CCDC171: variants seen among roughly 807,000 people sequenced by gnomAD.
The protein encoded by CCDC171 is coiled-coil domain containing 171.
Under a neutral mutation model 168.2 loss-of-function variants are expected in CCDC171, and 177 were observed. The ratio of observed to expected loss-of-function variants is 1.05; its 90% confidence interval spans 0.93 to 1.19. The LOEUF (loss-of-function observed/expected upper bound fraction) is 1.19. CCDC171 is among the 50% of genes most tolerant of loss of function. The pLI is 0.00. For synonymous variants in CCDC171, 687 were observed against 540.8 expected (o/e 1.27, Z -3.75); for missense variants, 1,991 against 1,539.0 (o/e 1.29, Z -4.91).
chr9:15,617,846 A>G (rs1453674812), intron 6 of CCDC171, among the ~76,000 whole-genome samples: 1 of 152,164 alleles, frequency 6.6e-6, no homozygotes, highest in Admixed American at 6.5e-5. Flanking sequence ...GCTGGAGAAC[A>G]GCAAAGATTG....
chr9:16,057,208 A>G (rs1008942007), intron 1 of CCDC171, among the ~76,000 whole-genome samples: 1 of 152,230 alleles, frequency 6.6e-6, no homozygotes, highest in Non-Finnish European at 1.5e-5. Context: ...AAGCTTATTA[A>G]CCCCATTTTA....
At chr9:15,609,102 A>AT (rs200680610) in intron 6 of CCDC171, among the ~76,000 whole-genome samples, 105 of 143,348 alleles carry the variant, frequency 7.3e-4, no homozygotes, top group Middle Eastern at 3.6e-3. Context: ...ACAGTTTAAA[A>AT]TTTTTTTTTT....
intron 1 of CCDC171, among the ~76,000 whole-genome samples, chr9:16,060,337 G>A (rs1451406650): frequency 6.6e-6 from 1 of 152,184 alleles, no homozygotes; most frequent in African/African-American, 2.4e-5. Flanking sequence ...GAGGGTCTTT[G>A]CGTGGCGCCT....
intron 18 of CCDC171, among the ~76,000 whole-genome samples, chr9:15,759,363 G>T (rs2056321039): frequency 6.6e-6 from 1 of 152,074 alleles, no homozygotes; most frequent in Non-Finnish European, 1.5e-5. Flanking sequence ...ATTTTAGTGT[G>T]TATTTCACAG....
chr9:15,834,130 C>G (rs1381910385), intron 21 of CCDC171, among the ~76,000 whole-genome samples: 1 of 152,042 alleles, frequency 6.6e-6, no homozygotes, highest in Non-Finnish European at 1.5e-5. Context: ...AATTTGTTCA[C>G]TTTTTGATCA....
At chr9:15,572,779 A>T (rs1287277657) in intron 3 of CCDC171, among the ~76,000 whole-genome samples, 1 of 152,142 alleles carries the variant, frequency 6.6e-6, no homozygotes, top group Non-Finnish European at 1.5e-5. Flanking sequence ...ACCCCCTGAG[A>T]GCTGAAAACA....
At chr9:15,983,480 T>TTGTGTGTG (rs56910418) in intron 3 of CCDC171, among the ~76,000 whole-genome samples, 5 of 144,002 alleles carry the variant, frequency 3.5e-5, no homozygotes, top group African/African-American at 1.3e-4. Context: ...TTGTGATCAG[T>TTGTGTGTG]TGTGTGTGTG....
At chr9:15,771,993 C>T (rs1206415536) in intron 18 of CCDC171, among the ~76,000 whole-genome samples, 1 of 152,056 alleles carries the variant, frequency 6.6e-6, no homozygotes, top group Non-Finnish European at 1.5e-5. Flanking sequence ...CCACCACATT[C>T]AGCTAATTTT....
At chr9:16,071,495 G>T in the CCDC171 span, among the ~76,000 whole-genome samples, 1 of 151,584 alleles carries the variant, frequency 6.6e-6, no homozygotes, top group Non-Finnish European at 1.5e-5. Context: ...TGTGAGAATG[G>T]CCCCACTCCC....
At chr9:15,868,521 A>G (rs1032689962) in intron 23 of CCDC171, among the ~76,000 whole-genome samples, 1 of 136,748 alleles carries the variant, frequency 7.3e-6, no homozygotes, top group Non-Finnish European at 1.6e-5. Flanking sequence ...GAGAGAGGAT[A>G]TGAATGAATG....
At chr9:16,055,677 T>C (rs1833828461) in intron 1 of CCDC171, among the ~76,000 whole-genome samples, 1 of 152,360 alleles carries the variant, frequency 6.6e-6, no homozygotes, top group East Asian at 1.9e-4. Context: ...TTGCAGCATG[T>C]TGGCCTTACC....
At chr9:15,905,370 A>T (rs1483367047) in intron 24 of CCDC171, among the ~76,000 whole-genome samples, 1 of 152,138 alleles carries the variant, frequency 6.6e-6, no homozygotes, top group Non-Finnish European at 1.5e-5. Flanking sequence ...TCAGAAGCTC[A>T]CTCACAACCG....
chr9:15,921,884 T>C (rs554295549), intron 25 of CCDC171, among the ~76,000 whole-genome samples: 5 of 151,694 alleles, frequency 3.3e-5, no homozygotes, highest in Non-Finnish European at 5.9e-5. Context: ...GTATCAGCTT[T>C]GTTGGGTCAT....
intron 8 of CCDC171, among the ~76,000 whole-genome samples, chr9:15,658,540 T>C (rs1286732924): frequency 6.6e-6 from 1 of 152,168 alleles, no homozygotes; most frequent in Non-Finnish European, 1.5e-5. Context: ...AAATGGGACT[T>C]TGCAGATGTG....
At chr9:15,712,150 C>G (rs751149538) in intron 11 of CCDC171, among the ~76,000 whole-genome samples, 5 of 152,208 alleles carry the variant, frequency 3.3e-5, no homozygotes, top group African/African-American at 1.2e-4. Context: ...TTATTCTCTT[C>G]AGACCTTCAA....
intron 11 of CCDC171, among the ~76,000 whole-genome samples, chr9:15,709,313 T>C (rs1454984000): frequency 3.3e-5 from 5 of 152,188 alleles, no homozygotes; most frequent in Non-Finnish European, 7.4e-5. Flanking sequence ...TGAGTAGCTA[T>C]GACAGAATTG....
the CCDC171 span, among the ~76,000 whole-genome samples, chr9:16,094,837 C>A: frequency 1.3e-5 from 2 of 152,108 alleles, no homozygotes; most frequent in African/African-American, 4.8e-5. Flanking sequence ...GGACACAGAT[C>A]CAAATCATCA....
chr9:15,766,862 A>T (rs989780776), intron 18 of CCDC171, among the ~76,000 whole-genome samples: 8 of 152,032 alleles, frequency 5.3e-5, no homozygotes, highest in Non-Finnish European at 8.8e-5. Context: ...GAGTCTTACT[A>T]TGTTGTCCAG....
intron 21 of CCDC171, among the ~76,000 whole-genome samples, chr9:15,789,669 G>A (rs986547622): frequency 6.6e-6 from 1 of 152,112 alleles, no homozygotes; most frequent in Non-Finnish European, 1.5e-5. Flanking sequence ...TGTTACATAT[G>A]TATACATGTG....
Sources: allele counts gnomAD v4.1 joint callset (sites outside exome capture counted in the v4.1 genomes callset), GRCh38; gene constraint gnomAD v4.1.1; transcripts MANE v1.5; gene names NCBI Gene and HGNC (gene_info 2026-07-23, HGNC 2026-07-21).